Variants in ARHGAP28 observed in about 807,000 individuals in gnomAD.
The protein encoded by ARHGAP28 is Rho GTPase activating protein 28.
ARHGAP28 carries 56 observed loss-of-function variants against 90.7 expected under a neutral mutation model. The observed-to-expected ratio is 0.62, with a 90% CI of 0.50 to 0.77. ARHGAP28 has a LOEUF of 0.77. Among genes scored for constraint, ARHGAP28 ranks in the 30% least tolerant of loss-of-function variants. ARHGAP28 has a pLI of 0.00. For synonymous variants in ARHGAP28, 308 were observed against 323.3 expected (o/e 0.95, Z 0.51); for missense variants, 869 against 900.9 (o/e 0.96, Z 0.45).
chr18:6,794,506 C>T (rs2056428039), intron 1 of ARHGAP28, among the ~76,000 whole-genome samples: 1 of 152,210 alleles, frequency 6.6e-6, no homozygotes, highest in Admixed American at 6.5e-5. Context: ...CTCTATCCCT[C>T]ACAGGACACT....
At chr18:6,911,637 TG>T (rs1427628714) in intron 17 of ARHGAP28, among the ~76,000 whole-genome samples, 13 of 152,108 alleles carry the variant, frequency 8.5e-5, no homozygotes, top group African/African-American at 3.1e-4. Flanking sequence ...GGTTTCACCA[TG>T]TTGTCCAGGC....
chr18:6,858,718 A>T (rs1184666644), intron 4 of ARHGAP28, among the ~76,000 whole-genome samples: 1 of 152,024 alleles, frequency 6.6e-6, no homozygotes, highest in Admixed American at 6.5e-5. Flanking sequence ...TTCAGTAGAG[A>T]TGGGGTTTCC....
chr18:6,879,817 G>C (rs1449781132), intron 10 of ARHGAP28, among the ~76,000 whole-genome samples: 3 of 152,114 alleles, frequency 2.0e-5, no homozygotes, highest in African/African-American at 7.2e-5. Context: ...TTTGATCTTG[G>C]GAATGTCGTT....
chr18:6,825,030 T>C (rs2056652420), intron 2 of ARHGAP28, 66 bp downstream of exon 2: 1 of 1,352,366 alleles, frequency 7.4e-7, no homozygotes, highest in Admixed American at 2.7e-5. Flanking sequence ...TGTTACTCTG[T>C]TCATAGGCAG....
At chr18:6,897,709 T>A (rs1009638701) in intron 16 of ARHGAP28, 8 of 152,226 alleles carry the variant, frequency 5.3e-5, no homozygotes, top group South Asian at 2.1e-4. Flanking sequence ...TAACATTTTT[T>A]AAATTAAATT....
Position 6,729,890 on chromosome 18 carries a change from C to G in ARHGAP28, c.69C>G (p.Pro23=). Residue 23 remains proline, a synonymous_variant, in exon 1 of 18, where the codon CCC becomes CCG. Coordinates refer to ENST00000383472, the MANE Select transcript of ARHGAP28 (RefSeq NM_001366230.1). ...AYHSYARAQP[P]NAESRCAPRA... ...ACTCGTACGCGCGCGCCCAGCCCCC[C>G]AACGCCGAGTCGCGCTGCGCGCCCC... is the stretch of plus-strand genomic sequence containing the variant. 1.4e-6 allele frequency: 2 copies of G among 1,428,094 alleles called. No homozygotes were observed. Among genetic ancestry groups the G allele is most frequent in the Non-Finnish European group, 1.8e-6 (2 of 1,093,446 alleles). The allele number at this position is 1,428,094 out of a possible 1,614,324, so 88.5% of individuals were successfully genotyped here.
At chr18:6,739,246 C>A (rs2055954407) in intron 1 of ARHGAP28, among the ~76,000 whole-genome samples, 1 of 152,012 alleles carries the variant, frequency 6.6e-6, no homozygotes, top group Non-Finnish European at 1.5e-5. Flanking sequence ...AGGGACAATA[C>A]CGGTATAGTA....
chr18:6,850,570 C>T lies in ARHGAP28; in HGVS notation c.544-464C>T, dbSNP rs188289826. 2.0e-5 allele frequency among the ~76,000 whole-genome samples: 3 copies of T among 152,330 alleles called. No individual in the cohort carries two copies. The East Asian group carries it at 5.8e-4, about 29-fold the overall frequency. The stretch of plus-strand genomic sequence containing the variant: ...TGTTAATACCTACAGGATGTCTGGA[C>T]ATCACATGCACCATGTCCATGCTTC... On this transcript the variant is annotated intron_variant, in intron 3 of 17. Coordinates refer to ENST00000383472, the MANE Select transcript of ARHGAP28 (RefSeq NM_001366230.1).
intron 1 of ARHGAP28, among the ~76,000 whole-genome samples, chr18:6,798,435 C>T (rs2056458232): frequency 1.3e-5 from 2 of 152,316 alleles, no homozygotes; most frequent in East Asian, 3.9e-4. Flanking sequence ...CTCAGGTGAT[C>T]TGCCCGCCTC....
chr18:6,871,364 C>A (rs1486599004), intron 7 of ARHGAP28, among the ~76,000 whole-genome samples: 4 of 152,194 alleles, frequency 2.6e-5, no homozygotes, highest in Non-Finnish European at 5.9e-5. Flanking sequence ...AATGCAGACC[C>A]TACCTTTACA....
intron 16 of ARHGAP28, among the ~76,000 whole-genome samples, chr18:6,902,473 A>G (rs8088465): frequency 0.021 from 3,246 of 152,232 alleles, 94 homozygotes; most frequent in African/African-American, 0.075. Context: ...TGCTAGAATA[A>G]TTTCAGAGTA....
chr18:6,845,553 GTT>G (rs2056859701), intron 3 of ARHGAP28, among the ~76,000 whole-genome samples: 1 of 152,116 alleles, frequency 6.6e-6, no homozygotes, highest in Non-Finnish European at 1.5e-5. Flanking sequence ...TCCATTAGCT[GTT>G]CTTACTGATG....
intron 1 of ARHGAP28, among the ~76,000 whole-genome samples, chr18:6,767,159 A>T (rs924443824): frequency 5.3e-5 from 8 of 152,138 alleles, no homozygotes; most frequent in African/African-American, 1.9e-4. Context: ...TGCAGAGTTT[A>T]CAACATGACA....
intron 1 of ARHGAP28, among the ~76,000 whole-genome samples, chr18:6,764,591 C>T (rs889367591): frequency 1.3e-5 from 2 of 152,160 alleles, no homozygotes; most frequent in African/African-American, 2.4e-5. Flanking sequence ...TGAAAGCCTG[C>T]CAGCCTCCCT....
At chr18:6,777,448 C>T (rs1463023630) in intron 1 of ARHGAP28, among the ~76,000 whole-genome samples, 1 of 152,108 alleles carries the variant, frequency 6.6e-6, no homozygotes, top group Non-Finnish European at 1.5e-5. Context: ...CGAGGCTGGG[C>T]GTGGTGGCTC....
At chr18:6,893,709 G>T (rs993608086) in intron 14 of ARHGAP28, among the ~76,000 whole-genome samples, 2 of 152,052 alleles carry the variant, frequency 1.3e-5, no homozygotes, top group Admixed American at 6.6e-5. Context: ...GTGTGTGTGT[G>T]TGTAAACTGT....
intron 10 of ARHGAP28, among the ~76,000 whole-genome samples, chr18:6,877,663 G>A (rs893289261): frequency 2.6e-5 from 4 of 152,184 alleles, no homozygotes; most frequent in African/African-American, 9.7e-5. Flanking sequence ...AGTTCTTGTG[G>A]AAGGCAGGGA....
intron 1 of ARHGAP28, among the ~76,000 whole-genome samples, chr18:6,749,260 T>G (rs1368180617): frequency 6.6e-6 from 1 of 152,188 alleles, no homozygotes. Context: ...GGTAGCAAAT[T>G]AATAGCATAT....
chr18:6,771,643 TC>T (rs2056243791), intron 1 of ARHGAP28, among the ~76,000 whole-genome samples: 1 of 152,232 alleles, frequency 6.6e-6, no homozygotes, highest in African/African-American at 2.4e-5. Flanking sequence ...AAGGAATTGA[TC>T]TGTGGTCCTT....
Sources: allele counts gnomAD v4.1 joint callset (sites outside exome capture counted in the v4.1 genomes callset), GRCh38; gene constraint gnomAD v4.1.1; transcripts MANE v1.5; gene names NCBI Gene and HGNC (gene_info 2026-07-23, HGNC 2026-07-21).